PHACTR3: variants seen among roughly 807,000 people sequenced by gnomAD.
The protein encoded by PHACTR3 is protein phosphatase 1, regulatory subunit 123.
A neutral mutation model predicts 66.8 loss-of-function variants in PHACTR3; 16 were observed. That is an observed-to-expected ratio of 0.24 (90% CI 0.16 to 0.36). The LOEUF (loss-of-function observed/expected upper bound fraction) is 0.36, where lower values mean the gene tolerates loss of function less well. Ranked by LOEUF, PHACTR3 falls within the 10% of genes least tolerant of loss-of-function variation. The pLI, the probability that PHACTR3 is intolerant of heterozygous loss-of-function variation, is 1.00. For synonymous variants in PHACTR3, 323 were observed against 292.1 expected, an observed-to-expected ratio of 1.11 and a Z score of -1.08; for missense variants, 647 against 719.9, an observed-to-expected ratio of 0.90 and a Z score of 1.16.
chr20:59,594,706 TAAC>T (rs2033274980), intron 1 of PHACTR3, among the ~76,000 whole-genome samples: 1 of 152,214 alleles, frequency 6.6e-6, no homozygotes, highest in Non-Finnish European at 1.5e-5. Flanking sequence ...GCTACAGACT[TAAC>T]AATTTTATTG....
At chr20:59,658,615 CTT>C (rs1415068474) in intron 1 of PHACTR3, among the ~76,000 whole-genome samples, 1 of 152,164 alleles carries the variant, frequency 6.6e-6, no homozygotes, top group Non-Finnish European at 1.5e-5. Flanking sequence ...GCATGTGTCT[CTT>C]TGACTTCTCT....
chr20:59,767,769 G>A (rs1425097648), intron 5 of PHACTR3, among the ~76,000 whole-genome samples: 3 of 152,026 alleles, frequency 2.0e-5, no homozygotes, highest in Non-Finnish European at 4.4e-5. Flanking sequence ...CTTTAGCTTG[G>A]CTTGGCTTTT....
upstream of PHACTR3, among the ~76,000 whole-genome samples, chr20:59,604,371 C>T (rs1431611728): frequency 6.6e-6 from 1 of 152,002 alleles, no homozygotes; most frequent in Non-Finnish European, 1.5e-5. Flanking sequence ...GCTCCTAACC[C>T]GGGGTCCAGC....
intron 1 of PHACTR3, among the ~76,000 whole-genome samples, chr20:59,592,831 AT>A (rs59809472): frequency 0.13 from 19,099 of 151,432 alleles, 1,406 homozygotes; most frequent in South Asian, 0.27. Flanking sequence ...TTTATAGTTC[AT>A]TTTTTTTTGT....
chr20:59,762,807 A>G (rs943575099), intron 4 of PHACTR3, among the ~76,000 whole-genome samples: 4 of 152,256 alleles, frequency 2.6e-5, no homozygotes, highest in Middle Eastern at 3.2e-3. Context: ...AGGCCCAGGC[A>G]GAAGTTCTGA....
At chr20:59,614,820 C>G (rs898925729) in intron 1 of PHACTR3, among the ~76,000 whole-genome samples, 2 of 152,144 alleles carry the variant, frequency 1.3e-5, no homozygotes, top group African/African-American at 2.4e-5. Flanking sequence ...GGAAGATATG[C>G]CAAAAATGAT....
chr20:59,801,694 G>T (rs574349625), intron 7 of PHACTR3, among the ~76,000 whole-genome samples: 1 of 152,164 alleles, frequency 6.6e-6, no homozygotes, highest in East Asian at 1.9e-4. Context: ...CAATGAACAA[G>T]GTATAATCCT....
intron 4 of PHACTR3, among the ~76,000 whole-genome samples, chr20:59,760,790 C>T (rs1379220173): frequency 6.6e-6 from 1 of 152,142 alleles, no homozygotes; most frequent in Non-Finnish European, 1.5e-5. Flanking sequence ...ACAGGGTCCT[C>T]TTCAGTGTTT....
At chr20:59,735,319 T>C (rs1002004940) in intron 1 of PHACTR3, among the ~76,000 whole-genome samples, 1 of 152,126 alleles carries the variant, frequency 6.6e-6, no homozygotes, top group Non-Finnish European at 1.5e-5. Context: ...CAGCAGGCCC[T>C]CAGCCGATAT....
At chr20:59,828,244 T>G (rs1206688275) in intron 8 of PHACTR3, among the ~76,000 whole-genome samples, 1 of 152,124 alleles carries the variant, frequency 6.6e-6, no homozygotes, top group Non-Finnish European at 1.5e-5. Flanking sequence ...GAGGGAACCT[T>G]GCTTTGTCCA....
intron 1 of PHACTR3, among the ~76,000 whole-genome samples, chr20:59,654,656 A>G (rs1263590819): frequency 6.6e-6 from 1 of 152,168 alleles, no homozygotes; most frequent in Non-Finnish European, 1.5e-5. Context: ...ATGGAGGCTA[A>G]AGGAACGTGT....
intron 1 of PHACTR3, among the ~76,000 whole-genome samples, chr20:59,709,885 C>T (rs2037850550): frequency 6.6e-6 from 1 of 151,820 alleles, no homozygotes; most frequent in Admixed American, 6.6e-5. Context: ...TAAAGCCATC[C>T]CTTGGCATCT....
intron 1 of PHACTR3, among the ~76,000 whole-genome samples, chr20:59,691,942 TG>T (rs1279261876): frequency 6.6e-6 from 1 of 152,238 alleles, no homozygotes; most frequent in Non-Finnish European, 1.5e-5. Flanking sequence ...TTTAGCTTAG[TG>T]GACTGCCACG....
At chr20:59,617,523 T>C (rs983037448) in intron 1 of PHACTR3, among the ~76,000 whole-genome samples, 1 of 152,122 alleles carries the variant, frequency 6.6e-6, no homozygotes, top group African/African-American at 2.4e-5. Flanking sequence ...TATTTTCTTA[T>C]AGGAAAAGAG....
rs1485440009 is a variant in PHACTR3, at chr20:59,829,170, G to A, written c.1329-7335G>A. Among the ~76,000 whole-genome samples, 9 of 152,136 alleles carry A rather than the reference G, an allele frequency of 5.9e-5. No individual in the cohort carries two copies. The highest frequency in any genetic ancestry group is 1.0e-4 in the Non-Finnish European group (7 of 68,004). On this transcript the variant is annotated intron_variant, in intron 8 of 12. Coordinates refer to ENST00000371015, the MANE Select transcript of PHACTR3 (RefSeq NM_080672.5). This position sits in a 1 kb window ranked among gnomAD's most constrained non-coding sequence, Gnocchi z 4.2. ...GGTCGGCTTTGGACTCAGAGTGCCT[G>A]GAGTCACATCCTCCCCGGCATCCCA...
At chr20:59,753,380 T>G (rs945692718) in intron 3 of PHACTR3, among the ~76,000 whole-genome samples, 28 of 152,164 alleles carry the variant, frequency 1.8e-4, no homozygotes, top group Admixed American at 1.3e-4. Context: ...AGAGGGAATA[T>G]GATCAGCAGC....
upstream of PHACTR3, among the ~76,000 whole-genome samples, chr20:59,600,777 T>G (rs1162841026): frequency 6.6e-6 from 1 of 152,140 alleles, no homozygotes; most frequent in Non-Finnish European, 1.5e-5. Context: ...GGCTTTGGGT[T>G]TTCGGATCAA....
In PHACTR3 at chr20:59,656,668, A is replaced by ATATATG. The variant is rs2035629425; in HGVS notation, c.118+51536_118+51537insTATATG. ...AATGGATATAGTTAGATTTGCATCT[A>ATATATG]CCATTTTATTTTTCATTTTCTATAT... On this transcript the variant is annotated intron_variant, in intron 1 of 12. Transcript: ENST00000371015. Among the ~76,000 whole-genome samples, 6 of 151,952 alleles carry ATATATG rather than the reference A, an allele frequency of 3.9e-5. 1 individual carries two copies. In the South Asian group the frequency reaches 1.2e-3, roughly 31 times the overall value.
rs147024275 is a variant in PHACTR3 at position 59,599,153 on chromosome 20, G to A, written c.109+21536G>A. Among the ~76,000 whole-genome samples the A allele has an allele frequency of 1.4e-4, 22 of 152,374 alleles. No homozygotes were observed. In the East Asian group the frequency reaches 2.9e-3, roughly 20 times the overall value. ...CACAAAGCCCGGAGCCAGCTTGGCC[G>A]TGGGGAGGCTGAGCCTTCACTCCTG... On this transcript the variant is annotated intron_variant, in intron 1 of 12. Coordinates refer to the PHACTR3 transcript ENST00000359926.
Sources: allele counts gnomAD v4.1 joint callset (sites outside exome capture counted in the v4.1 genomes callset), GRCh38; gene constraint gnomAD v4.1.1; non-coding constraint Gnocchi (gnomAD v3.1); transcripts MANE v1.5; gene names NCBI Gene and HGNC (gene_info 2026-07-23, HGNC 2026-07-21).